Variants in LRRC43 observed in about 807,000 individuals in gnomAD.
The protein encoded by LRRC43 is leucine-rich repeat-containing protein 43.
Under a neutral mutation model 64.3 loss-of-function variants are expected in LRRC43, and 62 were observed. The observed-to-expected ratio is 0.96, with a 90% confidence interval of 0.79 to 1.19. The LOEUF is 1.19. Ranked by LOEUF, LRRC43 falls within the 50% of genes most tolerant of loss-of-function variation. LRRC43 has a pLI of 0.00. For missense variants in LRRC43, 868 were observed against 845.0 expected (o/e 1.03, Z -0.34); for synonymous variants, 422 against 382.3 (o/e 1.10, Z -1.21).
At chr12:122,183,470 G>A (rs1464861319) in intron 1 of LRRC43, among the ~76,000 whole-genome samples, 176 bp downstream of exon 1, 8 of 152,168 alleles carry the variant, frequency 5.3e-5, no homozygotes, top group Non-Finnish European at 1.2e-4. Flanking sequence ...CGGGCACTGC[G>A]CGGGGAGGAG....
Position 122,195,181 on chromosome 12 carries a change from GAT to G in LRRC43, c.1349+2179_1349+2180del, listed in dbSNP as rs757505943. Among the ~76,000 whole-genome samples, 5 of 152,054 alleles carry G rather than the reference GAT, an allele frequency of 3.3e-5. No homozygotes were observed. The East Asian group carries it at 9.6e-4, about 29-fold the overall frequency. On this transcript the variant is annotated intron_variant, in intron 7 of 11. Coordinates refer to ENST00000339777, the MANE Select transcript of LRRC43 (RefSeq NM_001098519.2). ...CTTTATTTCACCTGCAATTTTCAAA[GAT>G]AGTTTTGCTGGGTCTAGAATTGTTG...
intron 1 of LRRC43, among the ~76,000 whole-genome samples, chr12:122,174,849 T>C (rs560811457): frequency 6.6e-6 from 1 of 151,708 alleles, no homozygotes; most frequent in East Asian, 1.9e-4. Flanking sequence ...TTTTTCTTTT[T>C]TTTTTTTTTG....
intron 1 of LRRC43, chr12:122,172,268 C>A: frequency 3.2e-6 from 2 of 626,898 alleles, no homozygotes; most frequent in Non-Finnish European, 5.6e-6. Context: ...TCAGCCCTCC[C>A]GGGACTAGCC....
chr12:122,190,745 C>A (rs1231366109), intron 5 of LRRC43, among the ~76,000 whole-genome samples: 1 of 152,106 alleles, frequency 6.6e-6, no homozygotes, highest in Non-Finnish European at 1.5e-5. Flanking sequence ...TGCCTGTAAT[C>A]CCAGCTACTC....
chr12:122,183,726 G>C (rs1268779461), intron 1 of LRRC43, among the ~76,000 whole-genome samples: 1 of 152,160 alleles, frequency 6.6e-6, no homozygotes, highest in Non-Finnish European at 1.5e-5. Context: ...CCCCCATCCT[G>C]CCTCCCTGTC....
chr12:122,200,078 T>C lies in LRRC43; in HGVS notation c.1350-111T>C. 8.3e-7 allele frequency: 1 copy of C among 1,206,394 alleles called. No homozygotes were observed. Among genetic ancestry groups the C allele is most frequent in the Non-Finnish European group, 1.2e-6 (1 of 852,722 alleles). The allele number at this position is 1,206,394 out of a possible 1,614,324, so 74.7% of individuals were successfully genotyped here. A position where few individuals can be genotyped will look rare whatever the true frequency, so the allele number is the denominator to read the frequency against. On this transcript the variant is annotated intron_variant, in intron 7 of 11. Coordinates refer to ENST00000339777, the MANE Select transcript of LRRC43 (RefSeq NM_001098519.2). The surrounding 1 kb of genome is among the most constrained non-coding windows in gnomAD (Gnocchi z 4.6). ...CGGACCTCACGTCTCATGCTGTTTGTGGGCTTCGATGCTCGTGGTCTCCTC... is the reference window on the plus strand; with the variant it reads ...CGGACCTCACGTCTCATGCTGTTTGCGGGCTTCGATGCTCGTGGTCTCCTC...
At chr12:122,188,248 A>G (rs1373619277) in intron 4 of LRRC43, among the ~76,000 whole-genome samples, 1 of 151,922 alleles carries the variant, frequency 6.6e-6, no homozygotes, top group Non-Finnish European at 1.5e-5. Flanking sequence ...CTGGGACTAC[A>G]GGCACCCGCC....
At chr12:122,169,682 C>G (rs948379375) in intron 1 of LRRC43, among the ~76,000 whole-genome samples, 2 of 137,628 alleles carry the variant, frequency 1.5e-5, no homozygotes, top group East Asian at 2.1e-4. Flanking sequence ...TGCCACTGCA[C>G]TCCAGCCTGG....
At chr12:122,189,417 AGT>A (rs1222025777) in intron 4 of LRRC43, 13 of 456,500 alleles carry the variant, frequency 2.8e-5, no homozygotes, top group Non-Finnish European at 5.7e-5. Flanking sequence ...TTAGGGGAAG[AGT>A]GAGGCTGGGA....
At chr12:122,167,895 A>G (rs1199541986) in intron 1 of LRRC43, 3 of 151,152 alleles carry the variant, frequency 2.0e-5, no homozygotes, top group Non-Finnish European at 4.4e-5. Context: ...ACTCACTGCA[A>G]CCTCTGCCTC....
At chr12:122,173,876 A>C in intron 1 of LRRC43, 1 of 1,614,122 alleles carries the variant, frequency 6.2e-7, no homozygotes. Context: ...AGGGACTGTA[A>C]TTCCTCGACT....
chr12:122,173,763 C>T, intron 1 of LRRC43: 1 of 1,273,902 alleles, frequency 7.8e-7, no homozygotes. Context: ...GGTTTCAGGT[C>T]CGGAGAGAGG....
At chr12:122,176,018 C>G (rs1381703035) in intron 1 of LRRC43, among the ~76,000 whole-genome samples, 1 of 152,136 alleles carries the variant, frequency 6.6e-6, no homozygotes, top group African/African-American at 2.4e-5. Context: ...TATAGGGTAT[C>G]GGGAATAGCG....
chr12:122,202,719 T>C (rs1953856377), intron 11 of LRRC43, among the ~76,000 whole-genome samples: 1 of 152,198 alleles, frequency 6.6e-6, no homozygotes, highest in Non-Finnish European at 1.5e-5. Context: ...TGTTGTCTCA[T>C]TTTTAGGGCA....
chr12:122,173,720 T>TC, intron 1 of LRRC43: 2 of 810,540 alleles, frequency 2.5e-6, no homozygotes, highest in African/African-American at 1.7e-5. Flanking sequence ...CTGTCTAGTT[T>TC]CCCCCATCCC....
rs536364664 is a variant in LRRC43 at position 122,175,154 on chromosome 12, T to TTTTCTTTC, written c.-406+7392_-406+7399dup. On this transcript the variant is annotated intron_variant, in intron 1 of 5. Coordinates refer to the LRRC43 transcript ENST00000537729. ...TGCGCCAGCCTAGAAACTTTATTGC[T>TTTTCTTTC]TTTCTTTCTTTCTTTCTTTCTTTCT... Among the ~76,000 whole-genome samples the TTTTCTTTC allele has an allele frequency of 6.7e-3, 1,015 of 151,106 alleles. 10 individuals are homozygous for TTTTCTTTC. Among genetic ancestry groups the TTTTCTTTC allele is most frequent in the African/African-American group, 0.023 (939 of 40,850 alleles).
chr12:122,170,491 C>T (rs911302628), intron 1 of LRRC43, among the ~76,000 whole-genome samples: 1 of 151,922 alleles, frequency 6.6e-6, no homozygotes, highest in South Asian at 2.1e-4. Context: ...ATTAGCCGGG[C>T]GTGGTGGCGG....
chr12:122,177,476 A>AGTGTGTGTGTGTGTGTGTGTGT (rs67103998), intron 1 of LRRC43, among the ~76,000 whole-genome samples: 2 of 143,478 alleles, frequency 1.4e-5, no homozygotes. Flanking sequence ...TGAGAGAGAA[A>AGTGTGTGTGTGTGTGTGTGTGT]GTGTGTGTGT....
chr12:122,186,084 G>A, intron 2 of LRRC43, 106 bp from the exon 3 acceptor site: 3 of 679,198 alleles, frequency 4.4e-6, no homozygotes, highest in Non-Finnish European at 8.0e-6. Flanking sequence ...GAAGGGAGGG[G>A]AAGTAACTCT....
Sources: allele counts gnomAD v4.1 joint callset (sites outside exome capture counted in the v4.1 genomes callset), GRCh38; gene constraint gnomAD v4.1.1; non-coding constraint Gnocchi (gnomAD v3.1); transcripts MANE v1.5; gene names NCBI Gene and HGNC (gene_info 2026-07-23, HGNC 2026-07-21).